The following OTOGL variants were observed in gnomAD, a reference collection of about 807,000 sequenced individuals.
OTOGL encodes otogelin-like protein.
In OTOGL, 285 loss-of-function variants were observed where a neutral mutation model predicts 318.5. The ratio of observed to expected loss-of-function variants is 0.89; its 90% CI spans 0.81 to 0.99. The LOEUF (loss-of-function observed/expected upper bound fraction) is 0.99. Among genes scored for constraint, OTOGL ranks in the 50% least tolerant of loss-of-function variants. The pLI, the probability that OTOGL is intolerant of heterozygous loss-of-function variation, is 0.00. For synonymous variants in OTOGL, 987 were observed against 936.5 expected (o/e 1.05, Z -0.99); for missense variants, 2,899 against 2,845.6 (o/e 1.02, Z -0.43).
intron 1 of OTOGL, among the ~76,000 whole-genome samples, chr12:80,171,572 A>G (rs375658655): frequency 1.8e-3 from 268 of 152,198 alleles, no homozygotes; most frequent in Middle Eastern, 3.4e-3. Flanking sequence ...TGATCACTGT[A>G]GTTTTATAGT....
intron 46 of OTOGL, 36 bp from the exon 47 acceptor site, chr12:80,355,700 G>T (rs753384653): frequency 1.3e-6 from 2 of 1,545,828 alleles, no homozygotes; most frequent in Non-Finnish European, 1.8e-6. Context: ...TTAGTGCCCA[G>T]GTTTTGAGTG....
chr12:80,138,589 A>G (rs1871727551), intron 1 of OTOGL, among the ~76,000 whole-genome samples: 1 of 152,154 alleles, frequency 6.6e-6, no homozygotes, highest in Admixed American at 6.5e-5. Flanking sequence ...TGCCAGTTGC[A>G]AGATAAGAAC....
At position 80,368,126 on chromosome 12, in the gene OTOGL, T is replaced by C. The variant is rs1408097249; in HGVS notation, c.6511-79T>C. ...TGTCTGGAAAGAGCTTGTAGTTATG[T>C]TTGGAAGAAATAACTCTCCAGAAGT... On this transcript the variant is annotated intron_variant, in intron 54 of 58. Transcript: ENST00000547103. The C allele has an allele frequency of 1.0e-5, 11 of 1,071,332 alleles. No homozygotes were observed. The South Asian group carries it at 1.2e-4, about 12-fold the overall frequency. 66.4% of individuals were successfully genotyped at this position (1,071,332 alleles called of 1,614,324 possible).
intron 35 of OTOGL, among the ~76,000 whole-genome samples, chr12:80,324,323 G>C (rs981280221): frequency 6.6e-6 from 1 of 152,132 alleles, no homozygotes; most frequent in Non-Finnish European, 1.5e-5. Context: ...TGGATATCTG[G>C]GGAAGAATCT....
intron 1 of OTOGL, among the ~76,000 whole-genome samples, chr12:80,177,491 A>G (rs1874606776): frequency 6.6e-6 from 1 of 152,196 alleles, no homozygotes. Flanking sequence ...TAACACAAAT[A>G]CCATACTGTG....
At chr12:80,125,681 G>T (rs1870782902) in intron 1 of OTOGL, among the ~76,000 whole-genome samples, 1 of 152,030 alleles carries the variant, frequency 6.6e-6, no homozygotes, top group Admixed American at 6.6e-5. Flanking sequence ...ACTTTTTTTG[G>T]TTGGTAAGCT....
At chr12:80,131,904 C>G (rs1871263345) in intron 1 of OTOGL, 1 of 152,086 alleles carries the variant, frequency 6.6e-6, no homozygotes, top group Non-Finnish European at 1.5e-5. Flanking sequence ...ATTCCAAAGC[C>G]CTTTTAATAT....
At chr12:80,277,678 A>T (rs1296524958) in intron 24 of OTOGL, among the ~76,000 whole-genome samples, 5 of 151,470 alleles carry the variant, frequency 3.3e-5, no homozygotes, top group Non-Finnish European at 4.4e-5. Context: ...ACACACACCT[A>T]AGTTAAACTC....
At chr12:80,138,080 GT>G (rs1351178063) in intron 1 of OTOGL, among the ~76,000 whole-genome samples, 1 of 152,120 alleles carries the variant, frequency 6.6e-6, no homozygotes, top group Non-Finnish European at 1.5e-5. Flanking sequence ...GTATAATTAA[GT>G]TAGATGTCTT....
chr12:80,368,340 T>C (rs891331869), intron 55 of OTOGL, 31 bp downstream of exon 55: 1 of 1,508,396 alleles, frequency 6.6e-7, no homozygotes, highest in Non-Finnish European at 9.0e-7. Context: ...TGCTCTGTGC[T>C]ATTTTCTGAA....
chr12:80,286,446 T>G (rs146999343), intron 26 of OTOGL, among the ~76,000 whole-genome samples: 9 of 152,334 alleles, frequency 5.9e-5, no homozygotes, highest in Non-Finnish European at 1.3e-4. Context: ...TCAGAAGGAA[T>G]GGTACCAGCT....
At chr12:80,166,531 C>T (rs1873842695) in intron 1 of OTOGL, among the ~76,000 whole-genome samples, 1 of 152,144 alleles carries the variant, frequency 6.6e-6, no homozygotes. Flanking sequence ...TTTGGCCTCT[C>T]TTTCAAAAGA....
intron 55 of OTOGL, 26 bp downstream of exon 55, chr12:80,368,335 T>C (rs745347109): frequency 6.6e-7 from 1 of 1,517,884 alleles, no homozygotes; most frequent in African/African-American, 1.4e-5. Flanking sequence ...AGTAATGCTC[T>C]GTGCTATTTT....
rs537879758 is a variant in OTOGL at position 80,328,549 on chromosome 12, G to T, written c.4200-116G>T. 80 of 752,296 alleles carry T rather than the reference G, an allele frequency of 1.1e-4. No homozygotes were observed. The African/African-American group carries it at 1.3e-3, about 12-fold the overall frequency. 46.6% of individuals were successfully genotyped at this position (752,296 alleles called of 1,614,324 possible). A position where few individuals can be genotyped will look rare whatever the true frequency, so the allele number is the denominator to read the frequency against. ...GAGCAGTTGTTAGTGCTTGACAAGG[G>T]TATATAGAAGCATTTTAGGAAGAAT... On this transcript the variant is annotated intron_variant, in intron 35 of 58. Transcript: ENST00000547103.
chr12:80,258,150 C>G (rs12307362), intron 18 of OTOGL, 148 bp downstream of exon 18: 2 of 767,936 alleles, frequency 2.6e-6, no homozygotes, highest in African/African-American at 3.6e-5. Flanking sequence ...AAATGTATAG[C>G]AATCTCTGAT....
At chr12:80,281,337 T>G (rs924061760) in intron 26 of OTOGL, among the ~76,000 whole-genome samples, 1 of 151,928 alleles carries the variant, frequency 6.6e-6, no homozygotes, top group Non-Finnish European at 1.5e-5. Flanking sequence ...GGGTTTGTCA[T>G]AGAAGGCTGT....
intron 38 of OTOGL, among the ~76,000 whole-genome samples, chr12:80,334,906 T>C (rs1888297245): frequency 1.3e-5 from 2 of 152,298 alleles, no homozygotes; most frequent in East Asian, 1.9e-4. Context: ...GGTCAATACC[T>C]GAGAAGTGGT....
chr12:80,227,169 C>T (rs1201680920), intron 7 of OTOGL, among the ~76,000 whole-genome samples: 2 of 152,036 alleles, frequency 1.3e-5, no homozygotes, highest in South Asian at 4.1e-4. Context: ...TTTTGTTCTA[C>T]ATTTCGGGAT....
At chr12:80,317,560 C>A (rs867871778) in intron 32 of OTOGL, among the ~76,000 whole-genome samples, 4 of 152,122 alleles carry the variant, frequency 2.6e-5, no homozygotes, top group Non-Finnish European at 5.9e-5. Context: ...GCATACACAT[C>A]TTCTCCATTC....
Sources: gnomAD v4.1 joint callset for allele counts (sites outside exome capture counted in the v4.1 genomes callset) on GRCh38, gnomAD v4.1.1 for gene constraint, MANE v1.5 for transcripts, NCBI Gene and HGNC (gene_info 2026-07-23, HGNC 2026-07-21) for gene names.